WDPCP: variants seen among roughly 807,000 people sequenced by gnomAD.
The protein encoded by WDPCP is WD repeat-containing and planar cell polarity effector protein fritz homolog.
Under a neutral mutation model 93.1 loss-of-function variants are expected in WDPCP, and 71 were observed. The ratio of observed to expected loss-of-function variants is 0.76; its 90% CI spans 0.63 to 0.93. The LOEUF (loss-of-function observed/expected upper bound fraction) is 0.93, where lower values mean the gene tolerates loss of function less well. Among genes scored for constraint, WDPCP ranks in the 40% least tolerant of loss-of-function variants. The probability of loss-of-function intolerance (pLI) is 0.00; values close to 1 mark genes in which losing one functional copy is unlikely to be tolerated. For synonymous variants in WDPCP, 315 were observed against 315.0 expected (o/e 1.00, Z 0.00); for missense variants, 844 against 887.4 (o/e 0.95, Z 0.62).
chr2:63,724,671 C>A (rs1252291387), intron 2 of WDPCP, among the ~76,000 whole-genome samples: 1 of 152,182 alleles, frequency 6.6e-6, no homozygotes, highest in African/African-American at 2.4e-5. Flanking sequence ...AACCTTTTAA[C>A]AGCAGCATGA....
At chr2:63,547,919 T>C (rs1156800189) in intron 1 of WDPCP, among the ~76,000 whole-genome samples, 12 of 152,040 alleles carry the variant, frequency 7.9e-5, no homozygotes, top group African/African-American at 2.9e-4. Context: ...CATTTCAAAA[T>C]AGCTAGAAGA....
chr2:63,267,270 G>A (rs1042838667), intron 13 of WDPCP, among the ~76,000 whole-genome samples: 1 of 152,176 alleles, frequency 6.6e-6, no homozygotes, highest in Non-Finnish European at 1.5e-5. Flanking sequence ...AATAAATGGT[G>A]TTGGGAAAAC....
chr2:63,481,272 A>G (rs946859339), intron 6 of WDPCP, among the ~76,000 whole-genome samples: 3 of 152,114 alleles, frequency 2.0e-5, no homozygotes, highest in Admixed American at 1.3e-4. Context: ...GTGAAAAGGA[A>G]ACACTTTTAC....
chr2:63,484,622 C>T lies in WDPCP; in HGVS notation c.366G>A (p.Lys122=). The part of the protein sequence containing the change: ...QNSRCVLSKW[K]NKYVCQLLFG... ...ATTTTACCTGACAGACATATTTGTT[C>T]TTCCATTTGCTCAGCACACACCGAC... The change falls in exon 6 of 18, where the codon AAG becomes AAA. Residue 122 remains lysine (K), a synonymous_variant. Transcript: ENST00000272321. The T allele has an allele frequency of 6.2e-7, 1 of 1,612,888 alleles. No individual in the cohort carries two copies. Among genetic ancestry groups the T allele is most frequent in the African/African-American group, 1.3e-5 (1 of 74,954 alleles).
At chr2:63,790,342 G>A (rs1308530646) in intron 2 of WDPCP, among the ~76,000 whole-genome samples, 2 of 152,230 alleles carry the variant, frequency 1.3e-5, no homozygotes, top group African/African-American at 2.4e-5. Context: ...CCCCAAATGG[G>A]AGAAAATATG....
chr2:63,565,722 T>C (rs1575661015), intron 1 of WDPCP, among the ~76,000 whole-genome samples: 1 of 152,160 alleles, frequency 6.6e-6, no homozygotes, highest in East Asian at 1.9e-4. Flanking sequence ...AATACTGAAT[T>C]ATATTATAGG....
At chr2:63,192,018 T>A (rs1675086944) in intron 14 of WDPCP, among the ~76,000 whole-genome samples, 1 of 152,170 alleles carries the variant, frequency 6.6e-6, no homozygotes, top group African/African-American at 2.4e-5. Context: ...TTTAAAAAAT[T>A]TGCTCAGCCT....
At chr2:63,464,919 T>C (rs944873624) in intron 6 of WDPCP, among the ~76,000 whole-genome samples, 9 of 152,100 alleles carry the variant, frequency 5.9e-5, no homozygotes, top group African/African-American at 1.9e-4. Context: ...TTAATGGGTA[T>C]AGAGTTTCTG....
chr2:63,520,295 G>A lies in WDPCP; in HGVS notation c.76-27355C>T, dbSNP rs890910759. Among the ~76,000 whole-genome samples the A allele has an allele frequency of 6.6e-5, 10 of 152,284 alleles. No homozygotes were observed. The East Asian group carries it at 1.9e-3, about 29-fold the overall frequency. On this transcript the variant is annotated intron_variant, in intron 1 of 17. Transcript: ENST00000272321. ...TCTGAAAGGGAGGAAGGGAAACCTA[G>A]CAACTTGGAAAACACATTTCAAGAT...
intron 1 of WDPCP, among the ~76,000 whole-genome samples, chr2:63,528,607 G>C (rs1558759789): frequency 6.6e-6 from 1 of 151,982 alleles, no homozygotes; most frequent in Non-Finnish European, 1.5e-5. Flanking sequence ...CCATGCTGTT[G>C]GTTACTGTGG....
intron 3 of WDPCP, among the ~76,000 whole-genome samples, chr2:63,596,969 A>G (rs898086499): frequency 4.6e-5 from 7 of 152,010 alleles, no homozygotes; most frequent in African/African-American, 1.7e-4. Flanking sequence ...CTGGCACAAA[A>G]CTCCTCAATA....
chr2:63,560,616 A>T (rs1376487655), intron 1 of WDPCP, among the ~76,000 whole-genome samples: 1 of 152,224 alleles, frequency 6.6e-6, no homozygotes, highest in Non-Finnish European at 1.5e-5. Flanking sequence ...GATTAAGAAA[A>T]TGTGGCACAT....
intron 2 of WDPCP, among the ~76,000 whole-genome samples, chr2:63,807,298 A>G (rs1469075849): frequency 6.6e-6 from 1 of 152,226 alleles, no homozygotes; most frequent in African/African-American, 2.4e-5. Context: ...TGAATGGCTT[A>G]GCGCCATTCT....
intron 12 of WDPCP, among the ~76,000 whole-genome samples, chr2:63,314,006 C>T (rs1346359887): frequency 2.7e-5 from 4 of 149,798 alleles, no homozygotes; most frequent in Admixed American, 6.7e-5. Context: ...CTCAGCCTCC[C>T]GATAGCTGGG....
chr2:63,298,988 A>T (rs1685110816), intron 13 of WDPCP, among the ~76,000 whole-genome samples: 1 of 152,128 alleles, frequency 6.6e-6, no homozygotes, highest in South Asian at 2.1e-4. Flanking sequence ...CACTTCCTTG[A>T]GGAGGAGAAT....
intron 3 of WDPCP, among the ~76,000 whole-genome samples, chr2:63,639,301 C>G (rs1709955068): frequency 6.6e-6 from 1 of 152,174 alleles, no homozygotes. Context: ...CGCCATCATG[C>G]TTGGCTAATT....
intron 17 of WDPCP, among the ~76,000 whole-genome samples, chr2:63,143,932 T>C (rs1671277048): frequency 6.6e-6 from 1 of 152,228 alleles, no homozygotes; most frequent in Non-Finnish European, 1.5e-5. Flanking sequence ...GAAGATCTTT[T>C]TGCAATGAAT....
At chr2:63,407,751 C>T (rs1222125191) in intron 9 of WDPCP, among the ~76,000 whole-genome samples, 1 of 152,120 alleles carries the variant, frequency 6.6e-6, no homozygotes, top group Non-Finnish European at 1.5e-5. Context: ...AGCAGCTAGC[C>T]AAAAACTGTG....
At chr2:63,164,882 C>T (rs1023646292) in intron 15 of WDPCP, among the ~76,000 whole-genome samples, 3 of 151,776 alleles carry the variant, frequency 2.0e-5, no homozygotes, top group Non-Finnish European at 2.9e-5. Flanking sequence ...ATCAGGTGAA[C>T]CACAAAAGAA....
Sources: gnomAD v4.1 joint callset for allele counts (sites outside exome capture counted in the v4.1 genomes callset) on GRCh38, gnomAD v4.1.1 for gene constraint, MANE v1.5 for transcripts, NCBI Gene and HGNC (gene_info 2026-07-23, HGNC 2026-07-21) for gene names.